The following SLIT2 variants were observed in gnomAD, a reference collection of about 807,000 sequenced individuals.
The protein encoded by SLIT2 is slit guidance ligand 2.
A neutral mutation model predicts 185.7 loss-of-function variants in SLIT2; 41 were observed. That is an observed-to-expected ratio of 0.22 (90% CI 0.17 to 0.29). The LOEUF (loss-of-function observed/expected upper bound fraction) is 0.29, where lower values mean the gene tolerates loss of function less well. Ranked by LOEUF, SLIT2 falls within the 10% of genes least tolerant of loss-of-function variation. The probability of loss-of-function intolerance (pLI) is 1.00; values close to 1 mark genes in which losing one functional copy is unlikely to be tolerated. For missense variants in SLIT2, 1,571 were observed against 1,909.0 expected, an observed-to-expected ratio of 0.82 and a Z score of 3.30; for synonymous variants, 693 against 680.2, an observed-to-expected ratio of 1.02 and a Z score of -0.29.
chr4:20,511,420 CTTTTTTTTT>C (rs1040955182), intron 11 of SLIT2, among the ~76,000 whole-genome samples: 2 of 122,058 alleles, frequency 1.6e-5, no homozygotes, highest in African/African-American at 5.9e-5. Flanking sequence ...TTTTTTATTT[CTTTTTTTTT>C]TTTTTTTTTT....
intron 9 of SLIT2, among the ~76,000 whole-genome samples, chr4:20,492,774 T>C (rs1242021341): frequency 2.0e-5 from 3 of 152,084 alleles, no homozygotes; most frequent in African/African-American, 7.2e-5. Flanking sequence ...GAAAAAGTTG[T>C]TTTTAAAGCG....
chr4:20,555,043 A>T (rs1220047810), intron 26 of SLIT2, among the ~76,000 whole-genome samples: 1 of 152,124 alleles, frequency 6.6e-6, no homozygotes, highest in Non-Finnish European at 1.5e-5. Flanking sequence ...TGCTGGGATT[A>T]CAGGTGTGAG....
At chr4:20,563,348 TTAA>T (rs982331903) in intron 26 of SLIT2, among the ~76,000 whole-genome samples, 1 of 151,832 alleles carries the variant, frequency 6.6e-6, no homozygotes, top group Non-Finnish European at 1.5e-5. Flanking sequence ...AGCTAATTTG[TTAA>T]TAATATGTTA....
intron 4 of SLIT2, among the ~76,000 whole-genome samples, chr4:20,315,382 G>A (rs1384125104): frequency 6.6e-6 from 1 of 152,110 alleles, no homozygotes; most frequent in Non-Finnish European, 1.5e-5. Flanking sequence ...AACTAGAGTT[G>A]TTACCATTGA....
chr4:20,264,057 A>G (rs1298112311), intron 3 of SLIT2, among the ~76,000 whole-genome samples: 1 of 151,898 alleles, frequency 6.6e-6, no homozygotes, highest in African/African-American at 2.4e-5. Context: ...ATAGAGAAAT[A>G]CCGGGAAGTA....
At chr4:20,318,831 G>A (rs1213552429) in intron 4 of SLIT2, among the ~76,000 whole-genome samples, 1 of 152,130 alleles carries the variant, frequency 6.6e-6, no homozygotes. Flanking sequence ...AACTAACTTT[G>A]AGAACACATT....
At chr4:20,348,556 C>A (rs543891712) in intron 4 of SLIT2, among the ~76,000 whole-genome samples, 1 of 152,124 alleles carries the variant, frequency 6.6e-6, no homozygotes, top group African/African-American at 2.4e-5. Context: ...GCCTGACTCA[C>A]ATTTTTAGCA....
chr4:20,614,267 G>T (rs940388859), intron 34 of SLIT2, among the ~76,000 whole-genome samples: 5 of 152,166 alleles, frequency 3.3e-5, no homozygotes, highest in Admixed American at 1.3e-4. Context: ...TAAGCCCCAT[G>T]CATGGAAATC....
At chr4:20,335,505 C>T (rs535179155) in intron 4 of SLIT2, among the ~76,000 whole-genome samples, 69 of 152,060 alleles carry the variant, frequency 4.5e-4, no homozygotes, top group African/African-American at 1.1e-3. Context: ...TGTAACAGGG[C>T]GGGTTAAAAA....
At chr4:20,351,295 C>T (rs7672013) in intron 4 of SLIT2, among the ~76,000 whole-genome samples, 32,392 of 151,972 alleles carry the variant, frequency 0.21, 3,879 homozygotes, top group Non-Finnish European at 0.28. Flanking sequence ...GTGATCCACC[C>T]GCCTCGGCCT....
chr4:20,605,711 ATATTTTATTT>A (rs376845737), intron 33 of SLIT2, among the ~76,000 whole-genome samples: 2,568 of 131,846 alleles, frequency 0.019, 26 homozygotes, highest in Middle Eastern at 0.054. Flanking sequence ...ATTTTATTTT[ATATTTTATTT>A]TATTTTATTT....
At chr4:20,386,913 T>C (rs531544530) in intron 4 of SLIT2, among the ~76,000 whole-genome samples, 18 of 152,326 alleles carry the variant, frequency 1.2e-4, no homozygotes, top group African/African-American at 3.8e-4. Context: ...GCTTTTATTA[T>C]AGTTTTAACT....
chr4:20,594,298 T>C lies in SLIT2; in HGVS notation c.3183-1399T>C, dbSNP rs944654902. Among the ~76,000 whole-genome samples the C allele has an allele frequency of 5.9e-5, 9 of 151,418 alleles. No homozygotes were observed. In the East Asian group the frequency reaches 1.8e-3, roughly 30 times the overall value. On this transcript the variant is annotated intron_variant, in intron 30 of 36. Coordinates refer to ENST00000504154, the MANE Select transcript of SLIT2 (RefSeq NM_004787.4). ...GTGTGTATGTATATGTGTGTATATATATATATGTGTGTGTATATATGAGAA... is the reference window on the plus strand; with the variant it reads ...GTGTGTATGTATATGTGTGTATATACATATATGTGTGTGTATATATGAGAA...
rs779970592 is a variant in SLIT2, at chr4:20,253,781, C to T, written c.-35C>T. ...TCGGAGCAGCAAGCTAAAGAAAGCC[C>T]CCAGTGCCGGCGAGGAAGGAGGCGG... On this transcript the variant is annotated 5_prime_UTR_variant, in exon 1 of 37. Transcript: ENST00000504154. 1.6e-5 allele frequency: 26 copies of T among 1,593,384 alleles called. No homozygotes were observed. Among genetic ancestry groups the T allele is most frequent in the Non-Finnish European group, 2.0e-5 (24 of 1,176,864 alleles).
intron 4 of SLIT2, among the ~76,000 whole-genome samples, chr4:20,340,813 G>A (rs1282415492): frequency 6.6e-6 from 1 of 152,130 alleles, no homozygotes; most frequent in Non-Finnish European, 1.5e-5. Context: ...CTATTAGCCA[G>A]GATGGTCTTG....
intron 4 of SLIT2, among the ~76,000 whole-genome samples, chr4:20,269,097 T>C (rs1713332866): frequency 6.6e-6 from 1 of 151,916 alleles, no homozygotes; most frequent in Non-Finnish European, 1.5e-5. Flanking sequence ...GTATGTGTTA[T>C]GGAAATTGGA....
intron 4 of SLIT2, among the ~76,000 whole-genome samples, chr4:20,423,321 G>A (rs918987955): frequency 1.8e-4 from 28 of 151,720 alleles, no homozygotes; most frequent in Non-Finnish European, 7.4e-5. Flanking sequence ...TACCCTTAGT[G>A]AACATAATTG....
At chr4:20,300,082 G>A (rs886653083) in intron 4 of SLIT2, among the ~76,000 whole-genome samples, 45 of 151,870 alleles carry the variant, frequency 3.0e-4, no homozygotes, top group African/African-American at 1.0e-3. Context: ...ATATTTTATG[G>A]TTAGATTAAT....
intron 4 of SLIT2, among the ~76,000 whole-genome samples, chr4:20,317,673 G>C (rs1465741725): frequency 2.0e-5 from 3 of 151,952 alleles, no homozygotes; most frequent in Non-Finnish European, 4.4e-5. Flanking sequence ...TCTAGCCTAG[G>C]CCTAGGGCTT....
Sources: allele counts gnomAD v4.1 joint callset (sites outside exome capture counted in the v4.1 genomes callset), GRCh38; gene constraint gnomAD v4.1.1; transcripts MANE v1.5; gene names NCBI Gene and HGNC (gene_info 2026-07-23, HGNC 2026-07-21).